Variants in NLGN1 observed in about 807,000 individuals in gnomAD.
NLGN1 encodes neuroligin 1.
A neutral mutation model predicts 65.5 loss-of-function variants in NLGN1; 12 were observed. The ratio of observed to expected loss-of-function variants is 0.18; its 90% CI spans 0.12 to 0.30. NLGN1 has a LOEUF of 0.30. NLGN1 is among the 10% of genes least tolerant of loss of function. NLGN1 has a pLI of 1.00. For missense variants in NLGN1, 750 were observed against 1,007.1 expected, an observed-to-expected ratio of 0.74 and a Z score of 3.46; for synonymous variants, 350 against 359.5, an observed-to-expected ratio of 0.97 and a Z score of 0.30.
chr3:174,014,367 T>G (rs1726131395), intron 4 of NLGN1, among the ~76,000 whole-genome samples: 1 of 152,236 alleles, frequency 6.6e-6, no homozygotes, highest in Non-Finnish European at 1.5e-5. Flanking sequence ...CTTTTCAGAT[T>G]TGAACATATT....
chr3:173,940,080 CTTTT>C (rs531013909), intron 4 of NLGN1, among the ~76,000 whole-genome samples: 7 of 75,400 alleles, frequency 9.3e-5, no homozygotes, highest in African/African-American at 3.0e-4. Context: ...ATAGTTATAG[CTTTT>C]TTTTTTTTTT....
chr3:173,832,413 G>A (rs1722779736), intron 4 of NLGN1, among the ~76,000 whole-genome samples: 1 of 152,122 alleles, frequency 6.6e-6, no homozygotes, highest in Admixed American at 6.6e-5. Flanking sequence ...GATAATACAG[G>A]ATTGATATTC....
rs769611990 is a variant in NLGN1 at position 173,576,284 on chromosome 3, A to G, written c.-320-27995A>G. ...TATGGGCAGCACTGATTATTTCCAT[A>G]ATATTTTTAATATCTTTAATATTTT... On this transcript the variant is annotated intron_variant, in intron 2 of 6. Coordinates refer to ENST00000457714, the Ensembl canonical transcript of NLGN1. Among the ~76,000 whole-genome samples, 15 of 152,250 alleles carry G rather than the reference A, an allele frequency of 9.9e-5. No homozygotes were observed. The Middle Eastern group carries it at 0.014, about 138-fold the overall frequency.
chr3:173,451,254 C>T (rs190423855), intron 2 of NLGN1, among the ~76,000 whole-genome samples: 7 of 152,228 alleles, frequency 4.6e-5, no homozygotes, highest in Middle Eastern at 3.4e-3. Flanking sequence ...GATGTCCTTT[C>T]TGTTTGTTAG....
chr3:173,409,223 A>C (rs1711985756), intron 1 of NLGN1, among the ~76,000 whole-genome samples: 1 of 152,192 alleles, frequency 6.6e-6, no homozygotes, highest in Non-Finnish European at 1.5e-5. Context: ...TCTTTTATTT[A>C]TCCTGCTACA....
At chr3:173,885,212 C>G (rs185250872) in intron 4 of NLGN1, among the ~76,000 whole-genome samples, 3 of 152,148 alleles carry the variant, frequency 2.0e-5, no homozygotes, top group Admixed American at 2.0e-4. Flanking sequence ...TTGTTGTATA[C>G]TTTTTTACCC....
chr3:174,060,172 A>C (rs994329076), intron 4 of NLGN1, among the ~76,000 whole-genome samples: 27 of 152,116 alleles, frequency 1.8e-4, no homozygotes. Context: ...AATATTAAAG[A>C]ATATATATTT....
chr3:173,747,122 C>T lies in NLGN1; in HGVS notation c.494-60558C>T, dbSNP rs532413847. Reference sequence around the variant, plus strand: ...CACACGTGTGTATACCACGTGTATACGTGTGTGTGTATATATATGTATATG... The same window carrying T: ...CACACGTGTGTATACCACGTGTATATGTGTGTGTGTATATATATGTATATG... On this transcript the variant is annotated intron_variant, in intron 3 of 6. Transcript: ENST00000457714. 1.9e-3 allele frequency among the ~76,000 whole-genome samples: 275 copies of T among 147,040 alleles called. 3 individuals carry two copies. Among genetic ancestry groups the T allele is most frequent in the African/African-American group, 6.1e-3 (245 of 39,940 alleles).
At chr3:174,191,543 T>C (rs1330825037) in intron 4 of NLGN1, among the ~76,000 whole-genome samples, 1 of 152,154 alleles carries the variant, frequency 6.6e-6, no homozygotes, top group African/African-American at 2.4e-5. Flanking sequence ...GACCTGTCAT[T>C]CTGTGAAAAG....
At chr3:174,098,109 A>G (rs1711516550) in intron 4 of NLGN1, among the ~76,000 whole-genome samples, 1 of 152,158 alleles carries the variant, frequency 6.6e-6, no homozygotes, top group Non-Finnish European at 1.5e-5. Flanking sequence ...ATAAAAAGGA[A>G]ATTTACATAC....
At chr3:173,726,225 G>A (rs913137659) in intron 3 of NLGN1, among the ~76,000 whole-genome samples, 1 of 151,504 alleles carries the variant, frequency 6.6e-6, no homozygotes, top group South Asian at 2.1e-4. Flanking sequence ...CTTATCCAAG[G>A]TATTCTTCCT....
At chr3:173,901,869 C>G (rs188841578) in intron 4 of NLGN1, among the ~76,000 whole-genome samples, 5 of 152,134 alleles carry the variant, frequency 3.3e-5, no homozygotes, top group African/African-American at 1.2e-4. Flanking sequence ...GAGTCAGAGC[C>G]ATTTGTCTCA....
chr3:173,682,722 C>T (rs1197554011), intron 3 of NLGN1, among the ~76,000 whole-genome samples: 1 of 151,830 alleles, frequency 6.6e-6, no homozygotes, highest in Non-Finnish European at 1.5e-5. Context: ...CAGACCTTGG[C>T]GATGACCTTG....
intron 4 of NLGN1, among the ~76,000 whole-genome samples, chr3:173,884,603 G>A (rs190723923): frequency 9.9e-5 from 15 of 152,174 alleles, no homozygotes; most frequent in Admixed American, 8.5e-4. Context: ...CATACTGATA[G>A]TATATGGAGG....
intron 4 of NLGN1, among the ~76,000 whole-genome samples, chr3:174,126,313 C>T (rs1283584074): frequency 6.6e-6 from 1 of 152,052 alleles, no homozygotes; most frequent in African/African-American, 2.4e-5. Context: ...TCACTGAGGG[C>T]AAGCACCAGA....
intron 3 of NLGN1, among the ~76,000 whole-genome samples, chr3:173,640,536 A>T (rs1757243866): frequency 6.6e-6 from 1 of 152,156 alleles, no homozygotes; most frequent in South Asian, 2.1e-4. Context: ...CTTTCACCGT[A>T]AGGCTATTAT....
chr3:173,967,326 CTG>C (rs1560741634), intron 4 of NLGN1, among the ~76,000 whole-genome samples: 1 of 152,190 alleles, frequency 6.6e-6, no homozygotes, highest in East Asian at 1.9e-4. Flanking sequence ...CTTCAAGTGA[CTG>C]TGCTACGCAA....
intron 4 of NLGN1, among the ~76,000 whole-genome samples, chr3:174,058,030 T>G (rs1736561838): frequency 6.6e-6 from 1 of 152,086 alleles, no homozygotes; most frequent in South Asian, 2.1e-4. Flanking sequence ...CTAAGATGAT[T>G]TATTTGCATT....
At chr3:174,074,708 A>G (rs79369480) in intron 4 of NLGN1, among the ~76,000 whole-genome samples, 1 of 152,214 alleles carries the variant, frequency 6.6e-6, no homozygotes, top group South Asian at 2.1e-4. Flanking sequence ...TGAGCTTCCC[A>G]GTGCCAACTC....
Sources: gnomAD v4.1 joint callset for allele counts (sites outside exome capture counted in the v4.1 genomes callset) on GRCh38, gnomAD v4.1.1 for gene constraint, MANE v1.5 for transcripts, NCBI Gene and HGNC (gene_info 2026-07-23, HGNC 2026-07-21) for gene names.